The following FKTN variants were observed in gnomAD, a reference collection of about 807,000 sequenced individuals.
FKTN encodes the protein ribitol-5-phosphate transferase FKTN.
In FKTN, 47 loss-of-function variants were observed where a neutral mutation model predicts 58.6. That is an observed-to-expected ratio of 0.80 (90% CI 0.63 to 1.02). The LOEUF (loss-of-function observed/expected upper bound fraction) is 1.02. Among genes scored for constraint, FKTN ranks in the 50% least tolerant of loss-of-function variants. FKTN has a pLI of 0.00. For missense variants in FKTN, 516 were observed against 537.3 expected, an observed-to-expected ratio of 0.96 and a Z score of 0.39; for synonymous variants, 178 against 191.9, an observed-to-expected ratio of 0.93 and a Z score of 0.60.
Position 105,639,206 on chromosome 9 carries a change from A to G in FKTN, c.*3942A>G. Reference sequence around the variant, plus strand: ...GAAAAACTTCAGTTACTGACCAGTCAAGAGAATTTCTCAAGAAAAATCCCA... The same window carrying G: ...GAAAAACTTCAGTTACTGACCAGTCGAGAGAATTTCTCAAGAAAAATCCCA... On this transcript the variant is annotated 3_prime_UTR_variant, in exon 11 of 11. Transcript: ENST00000357998. 1.0e-6 allele frequency: 1 copy of G among 985,334 alleles called. No individual in the cohort carries two copies. Among genetic ancestry groups the G allele is most frequent in the Non-Finnish European group, 1.2e-6 (1 of 829,818 alleles). 61.0% of individuals were successfully genotyped at this position (985,334 alleles called of 1,614,324 possible).
intron 1 of FKTN, among the ~76,000 whole-genome samples, chr9:105,567,713 T>G (rs937950312): frequency 6.6e-6 from 1 of 152,200 alleles, no homozygotes; most frequent in Non-Finnish European, 1.5e-5. Context: ...ATGGCCATAC[T>G]GCCCAAGGTA....
At chr9:105,579,396 T>A (rs1564227497) in intron 3 of FKTN, among the ~76,000 whole-genome samples, 1 of 152,096 alleles carries the variant, frequency 6.6e-6, no homozygotes, top group Non-Finnish European at 1.5e-5. Context: ...AAAGAACATC[T>A]TTATTTCTGC....
intron 8 of FKTN, 107 bp downstream of exon 8, chr9:105,615,514 G>GTC: frequency 2.8e-6 from 3 of 1,058,304 alleles, no homozygotes; most frequent in Non-Finnish European, 4.4e-6. Context: ...AGTGTCATGT[G>GTC]TATAGACAGA....
intron 10 of FKTN, among the ~76,000 whole-genome samples, chr9:105,628,372 T>C (rs1305718019): frequency 6.6e-6 from 1 of 152,226 alleles, no homozygotes; most frequent in Non-Finnish European, 1.5e-5. Context: ...GCATGTTATA[T>C]GGGAATTGTA....
intron 6 of FKTN, 77 bp from the exon 7 acceptor site, chr9:105,607,742 C>G: frequency 7.8e-7 from 1 of 1,281,814 alleles, no homozygotes; most frequent in Non-Finnish European, 1.1e-6. Context: ...GCTCTGCACG[C>G]ATTAGGTATT....
chr9:105,617,934 TA>T (rs757992747), intron 8 of FKTN, 24 bp from the exon 9 acceptor site: 4 of 1,482,428 alleles, frequency 2.7e-6, no homozygotes, highest in South Asian at 1.2e-5. Context: ...TAAATTTTGT[TA>T]AAAAAATTTA....
At chr9:105,581,052 C>G (rs925432855) in intron 3 of FKTN, among the ~76,000 whole-genome samples, 2 of 147,814 alleles carry the variant, frequency 1.4e-5, no homozygotes, top group Non-Finnish European at 3.0e-5. Flanking sequence ...ATTGGTTATT[C>G]TAGTTATACA....
At chr9:105,560,915 T>G (rs1681431890) in intron 1 of FKTN, among the ~76,000 whole-genome samples, 1 of 152,002 alleles carries the variant, frequency 6.6e-6, no homozygotes, top group South Asian at 2.1e-4. Context: ...GATGAAACCC[T>G]GTCTCTACTG....
intron 3 of FKTN, among the ~76,000 whole-genome samples, chr9:105,583,889 A>G (rs558133489): frequency 1.1e-3 from 166 of 152,314 alleles, no homozygotes; most frequent in Non-Finnish European, 2.0e-3. Context: ...TTTTTCCACA[A>G]TGATTAACCA....
chr9:105,566,499 C>A (rs891834736), intron 1 of FKTN, among the ~76,000 whole-genome samples: 3 of 152,074 alleles, frequency 2.0e-5, no homozygotes, highest in Admixed American at 6.5e-5. Context: ...ATACAAACTA[C>A]CATCAGAGAA....
chr9:105,614,600 T>A (rs536045717), intron 7 of FKTN, among the ~76,000 whole-genome samples: 61 of 152,272 alleles, frequency 4.0e-4, no homozygotes, highest in African/African-American at 1.3e-3. Context: ...GGTGAAAACA[T>A]TATTAAATTC....
intron 5 of FKTN, 50 bp from the exon 6 acceptor site, chr9:105,604,165 T>G: frequency 6.3e-7 from 1 of 1,592,588 alleles, no homozygotes; most frequent in Non-Finnish European, 8.6e-7. Flanking sequence ...GCTTTAAATA[T>G]TCAATGTTTA....
At chr9:105,591,618 G>T (rs1237771608) in intron 3 of FKTN, among the ~76,000 whole-genome samples, 1 of 152,308 alleles carries the variant, frequency 6.6e-6, no homozygotes, top group East Asian at 1.9e-4. Flanking sequence ...GACATTGAGT[G>T]CCTGCAGCTT....
intron 3 of FKTN, among the ~76,000 whole-genome samples, chr9:105,595,877 A>T (rs1163496819): frequency 1.3e-5 from 2 of 152,166 alleles, no homozygotes; most frequent in African/African-American, 4.8e-5. Context: ...TAAGAAACTT[A>T]TTTGGATCTT....
chr9:105,578,277 G>A (rs1208838036), intron 3 of FKTN, among the ~76,000 whole-genome samples: 1 of 148,706 alleles, frequency 6.7e-6, no homozygotes, highest in Admixed American at 6.8e-5. Context: ...TCCAGTTTTT[G>A]CCCATTCAGT....
chr9:105,561,563 C>T (rs1057476867), intron 1 of FKTN, among the ~76,000 whole-genome samples: 38 of 152,180 alleles, frequency 2.5e-4, no homozygotes, highest in African/African-American at 8.7e-4. Context: ...ATTTCAGCCA[C>T]TATCTTTCCA....
intron 1 of FKTN, among the ~76,000 whole-genome samples, chr9:105,560,202 A>G (rs1838032663): frequency 1.3e-5 from 2 of 152,240 alleles, no homozygotes; most frequent in South Asian, 4.1e-4. Flanking sequence ...ACGACGAGCA[A>G]GGTAGACATT....
chr9:105,615,530 C>T, intron 8 of FKTN, 123 bp downstream of exon 8: 1 of 874,364 alleles, frequency 1.1e-6, no homozygotes, highest in Non-Finnish European at 1.9e-6. Context: ...ACAGAATAAA[C>T]ATGAGTGCAT....
At chr9:105,626,981 C>CTTT (rs60710867) in intron 10 of FKTN, among the ~76,000 whole-genome samples, 12 of 128,032 alleles carry the variant, frequency 9.4e-5, no homozygotes, top group African/African-American at 3.6e-4. Context: ...CTTCTTTATT[C>CTTT]TTTTTTTTTT....
Sources: gnomAD v4.1 joint callset for allele counts (sites outside exome capture counted in the v4.1 genomes callset) on GRCh38, gnomAD v4.1.1 for gene constraint, MANE v1.5 for transcripts, NCBI Gene and HGNC (gene_info 2026-07-23, HGNC 2026-07-21) for gene names.